The following PTPN4 variants were observed in gnomAD, a reference collection of about 807,000 sequenced individuals.
The protein encoded by PTPN4 is tyrosine-protein phosphatase non-receptor type 4.
In PTPN4, 49 loss-of-function variants were observed where a neutral mutation model predicts 135.5. The ratio of observed to expected loss-of-function variants is 0.36; its 90% CI spans 0.29 to 0.46. The LOEUF is 0.46. PTPN4 is among the 20% of genes least tolerant of loss of function. The pLI, the probability that PTPN4 is intolerant of heterozygous loss-of-function variation, is 1.00. For missense variants in PTPN4, 860 were observed against 1,101.0 expected, an observed-to-expected ratio of 0.78 and a Z score of 3.10; for synonymous variants, 333 against 369.9, an observed-to-expected ratio of 0.90 and a Z score of 1.14.
intron 2 of PTPN4, among the ~76,000 whole-genome samples, chr2:119,832,835 C>A (rs1370960824): frequency 1.3e-5 from 2 of 151,994 alleles, no homozygotes; most frequent in African/African-American, 4.8e-5. Flanking sequence ...TTTATACATT[C>A]TTTTACGCAC....
chr2:119,837,738 G>A (rs188479357), intron 2 of PTPN4, among the ~76,000 whole-genome samples: 4 of 152,358 alleles, frequency 2.6e-5, no homozygotes, highest in Admixed American at 6.5e-5. Context: ...CCAGACCTGT[G>A]ACACCCTCTT....
chr2:119,935,845 T>C (rs1678974200), intron 15 of PTPN4, among the ~76,000 whole-genome samples: 4 of 152,188 alleles, frequency 2.6e-5, no homozygotes, highest in Admixed American at 2.6e-4. Context: ...ATTACATACT[T>C]CTGTGACATA....
chr2:119,851,286 A>G (rs1304731298), intron 2 of PTPN4, among the ~76,000 whole-genome samples: 2 of 152,140 alleles, frequency 1.3e-5, no homozygotes, highest in Non-Finnish European at 2.9e-5. Flanking sequence ...GCCTCCTTAT[A>G]AGAAAGAATT....
chr2:119,839,772 T>C (rs1375341793), intron 2 of PTPN4, among the ~76,000 whole-genome samples: 1 of 152,238 alleles, frequency 6.6e-6, no homozygotes, highest in Non-Finnish European at 1.5e-5. Context: ...TACATTTTGC[T>C]ATATGTTGCA....
rs779517485 is a variant in PTPN4, at chr2:119,977,259, G to A, written c.*189G>A. The A allele has an allele frequency of 5.8e-5, 53 of 917,016 alleles. No individual in the cohort carries two copies. The highest frequency in any genetic ancestry group is 6.4e-5 in the Non-Finnish European group (44 of 687,098). The allele number at this position is 917,016 out of a possible 1,614,324, so 56.8% of individuals were successfully genotyped here. Reference sequence around the variant, plus strand: ...CACTCTTTCAAAATCTATAACTCATGTATTTGAAGACTGTTTCATGCTTTG... The same window carrying A: ...CACTCTTTCAAAATCTATAACTCATATATTTGAAGACTGTTTCATGCTTTG... On this transcript the variant is annotated 3_prime_UTR_variant, in exon 27 of 27. Coordinates refer to ENST00000263708, the MANE Select transcript of PTPN4 (RefSeq NM_002830.4).
rs142959229 is a variant in PTPN4 at position 119,834,787 on chromosome 2, T to C, written c.138+24796T>C. On this transcript the variant is annotated intron_variant, in intron 2 of 26. Coordinates refer to ENST00000263708, the MANE Select transcript of PTPN4 (RefSeq NM_002830.4). ...TCTCCCTGTGCCTCAGTTTTTCATC[T>C]TTAGAGTCTTAATAGTAACTATCTC... Among the ~76,000 whole-genome samples, 792 of 152,296 alleles carry C rather than the reference T, an allele frequency of 5.2e-3. 6 individuals carry two copies. The highest frequency in any genetic ancestry group is 7.6e-3 in the Non-Finnish European group (518 of 68,014).
chr2:119,808,840 A>G (rs2104947642), intron 1 of PTPN4, among the ~76,000 whole-genome samples: 1 of 152,284 alleles, frequency 6.6e-6, no homozygotes, highest in Non-Finnish European at 1.5e-5. Flanking sequence ...TTGAGCTTTA[A>G]TCTTTTGAAA....
At chr2:119,859,298 G>A (rs769623729) in intron 2 of PTPN4, among the ~76,000 whole-genome samples, 16 of 152,088 alleles carry the variant, frequency 1.1e-4, no homozygotes, top group Non-Finnish European at 2.2e-4. Context: ...CCTAGCTCTT[G>A]CTATAATAAA....
At chr2:119,904,081 A>G (rs1678449001) in intron 10 of PTPN4, among the ~76,000 whole-genome samples, 1 of 152,256 alleles carries the variant, frequency 6.6e-6, no homozygotes, top group Non-Finnish European at 1.5e-5. Flanking sequence ...GCAGATATCA[A>G]CGTATAAGGA....
At position 119,764,373 on chromosome 2, in the gene PTPN4, CT is replaced by C. The variant is rs528849147; in HGVS notation, c.-18+3992del. Among the ~76,000 whole-genome samples the C allele has an allele frequency of 1.0e-3, 156 of 152,346 alleles. 2 individuals carry two copies. The highest frequency in any genetic ancestry group is 8.2e-3 in the Admixed American group (126 of 15,306). On this transcript the variant is annotated intron_variant, in intron 1 of 26. Transcript: ENST00000263708. ...AAATTTACCTGCTTGACCTTGAAGACTTTCTACCAACTTCATCTCATTAACC... is the reference window on the plus strand; with the variant it reads ...AAATTTACCTGCTTGACCTTGAAGACTTCTACCAACTTCATCTCATTAACC...
intron 3 of PTPN4, among the ~76,000 whole-genome samples, chr2:119,864,935 G>A (rs1397100360): frequency 6.6e-6 from 1 of 152,016 alleles, no homozygotes; most frequent in African/African-American, 2.4e-5. Flanking sequence ...GAATTTTAAA[G>A]GTCCAAAAGA....
chr2:119,844,270 G>T (rs866406645), intron 2 of PTPN4, among the ~76,000 whole-genome samples: 3 of 136,210 alleles, frequency 2.2e-5, no homozygotes, highest in Admixed American at 2.1e-4. Context: ...GCGGCTGGCC[G>T]GGCGGAGGGC....
intron 26 of PTPN4, among the ~76,000 whole-genome samples, chr2:119,968,411 G>C (rs767232410): frequency 1.3e-5 from 2 of 152,206 alleles, no homozygotes; most frequent in African/African-American, 4.8e-5. Flanking sequence ...GAGAATGATA[G>C]TATCCCTGAA....
intron 10 of PTPN4, among the ~76,000 whole-genome samples, chr2:119,901,816 AT>A (rs1317243484): frequency 2.0e-5 from 3 of 152,238 alleles, no homozygotes; most frequent in Non-Finnish European, 2.9e-5. Flanking sequence ...AGTGCTAGAA[AT>A]AAAATGCATT....
intron 9 of PTPN4, among the ~76,000 whole-genome samples, chr2:119,894,803 G>A (rs1678293172): frequency 6.6e-6 from 1 of 152,182 alleles, no homozygotes; most frequent in South Asian, 2.1e-4. Context: ...AGAAATATAG[G>A]TGATCAATAT....
At chr2:119,958,445 TAGAG>T (rs71773257) in intron 22 of PTPN4, among the ~76,000 whole-genome samples, 6,691 of 152,150 alleles carry the variant, frequency 0.044, 207 homozygotes, top group African/African-American at 0.082. Context: ...TATACAAAAG[TAGAG>T]AGAATAGTAT....
intron 7 of PTPN4, 56 bp downstream of exon 7, chr2:119,882,205 A>C: frequency 6.7e-7 from 1 of 1,485,824 alleles, no homozygotes; most frequent in Non-Finnish European, 9.4e-7. Context: ...TTGTGTTGCT[A>C]GTACATTGGC....
chr2:119,840,802 C>T (rs1434796209), intron 2 of PTPN4, among the ~76,000 whole-genome samples: 3 of 152,156 alleles, frequency 2.0e-5, no homozygotes, highest in African/African-American at 7.2e-5. Flanking sequence ...GAGATGGTAT[C>T]TCATTGTGGT....
At chr2:119,796,860 TTGTGTG>T (rs112883330) in intron 1 of PTPN4, among the ~76,000 whole-genome samples, 4,587 of 146,638 alleles carry the variant, frequency 0.031, 170 homozygotes, top group African/African-American at 0.091. Flanking sequence ...GTCACTGTTT[TTGTGTG>T]TGTGTGTGTG....
Sources: gnomAD v4.1 joint callset for allele counts (sites outside exome capture counted in the v4.1 genomes callset) on GRCh38, gnomAD v4.1.1 for gene constraint, MANE v1.5 for transcripts, NCBI Gene and HGNC (gene_info 2026-07-23, HGNC 2026-07-21) for gene names.